MIS18BP1: variants seen among roughly 807,000 people sequenced by gnomAD.
MIS18BP1 encodes MIS18 binding protein 1.
In MIS18BP1, 72 loss-of-function variants were observed where a neutral mutation model predicts 116.1. That is an observed-to-expected ratio of 0.62 (90% CI 0.51 to 0.75). MIS18BP1 has a LOEUF of 0.75. MIS18BP1 is among the 30% of genes least tolerant of loss of function. The probability of loss-of-function intolerance (pLI) is 0.00; values close to 1 mark genes in which losing one functional copy is unlikely to be tolerated. For missense variants in MIS18BP1, 1,363 were observed against 1,303.2 expected (o/e 1.05, Z -0.71); for synonymous variants, 386 against 427.0 (o/e 0.90, Z 1.18).
At chr14:45,234,772 G>C (rs1255525594) in intron 6 of MIS18BP1, among the ~76,000 whole-genome samples, 1 of 152,178 alleles carries the variant, frequency 6.6e-6, no homozygotes, top group Admixed American at 6.5e-5. Context: ...GTTATATTCA[G>C]CTGTGTGCAA....
chr14:45,215,373 TACTCAATAGTCCAA>T (rs1890787117), intron 13 of MIS18BP1, among the ~76,000 whole-genome samples: 1 of 152,222 alleles, frequency 6.6e-6, no homozygotes, highest in Non-Finnish European at 1.5e-5. Context: ...TGAATTTTTA[TACTCAATAGTCCAA>T]TTGTCTGTTA....
chr14:45,224,582 T>C lies in MIS18BP1; in HGVS notation c.2005A>G (p.Asn669Asp). 6.2e-7 allele frequency: 1 copy of C among 1,613,794 alleles called. No homozygotes were observed. Among genetic ancestry groups the C allele is most frequent in the Middle Eastern group, 1.7e-4 (1 of 6,058 alleles). Residue 669 changes from asparagine to aspartate, a missense_variant, in exon 11 of 17, where the codon AAT becomes GAT. Physicochemically the swap from Asn to Asp is conservative, Grantham distance 23. Transcript: ENST00000310806. ...GCTTTGATGGTGCCAGCGGACAGAT[T>C]ATACCTCATGCATCTTTGCTCTATC... Reference protein sequence around the residue: ...KVIEQRCMRYNLSAGTIKAVT... With the variant: ...KVIEQRCMRYDLSAGTIKAVT...
At chr14:45,228,439 C>A (rs369138655) in intron 8 of MIS18BP1, among the ~76,000 whole-genome samples, 9 of 152,172 alleles carry the variant, frequency 5.9e-5, no homozygotes, top group African/African-American at 2.2e-4. Flanking sequence ...CCTAACTGCA[C>A]ATCAACTAAA....
At chr14:45,223,136 G>T (rs775932770) in intron 11 of MIS18BP1, among the ~76,000 whole-genome samples, 3 of 152,164 alleles carry the variant, frequency 2.0e-5, no homozygotes, top group African/African-American at 7.2e-5. Flanking sequence ...TTCCTCTACT[G>T]TTTCTGAGTG....
At position 45,224,254 on chromosome 14, in the gene MIS18BP1, G is replaced by A. The variant is rs368986243; in HGVS notation, c.2333C>T (p.Thr778Ile). Reference protein sequence around the residue: ...SPDLSSEESETEKEIKRKAEV... With the variant: ...SPDLSSEESEIEKEIKRKAEV... Reference sequence around the variant, plus strand: ...AGCTTTCCTTTTAATTTCCTTTTCTGTTTCACTTTCTTCACTTGACAAATC... The same window carrying A: ...AGCTTTCCTTTTAATTTCCTTTTCTATTTCACTTTCTTCACTTGACAAATC... Residue 778 changes from threonine to isoleucine, a missense_variant, in exon 11 of 17, where the codon ACA becomes ATA. Transcript: ENST00000310806. 5.6e-6 allele frequency: 9 copies of A among 1,613,428 alleles called. No homozygotes were observed. In the African/African-American group the frequency reaches 9.4e-5, roughly 17 times the overall value.
chr14:45,210,295 G>T, intron 14 of MIS18BP1, 85 bp downstream of exon 14: 1 of 1,334,422 alleles, frequency 7.5e-7, no homozygotes. Context: ...TCCCATTACT[G>T]GCATCTATGG....
At chr14:45,238,658 C>CA (rs1160267580) in intron 4 of MIS18BP1, among the ~76,000 whole-genome samples, 1 of 151,498 alleles carries the variant, frequency 6.6e-6, no homozygotes, top group Non-Finnish European at 1.5e-5. Flanking sequence ...AGTAAGATTC[C>CA]AAAAAAAAGT....
In MIS18BP1 at chr14:45,219,512, G is replaced by T. The variant is rs141108386; in HGVS notation, c.2670-1058C>A. Among the ~76,000 whole-genome samples the T allele has an allele frequency of 8.0e-4, 122 of 151,600 alleles. No individual in the cohort carries two copies. In the East Asian group the frequency reaches 0.02, roughly 25 times the overall value. On this transcript the variant is annotated intron_variant, in intron 11 of 16. Coordinates refer to ENST00000310806, the MANE Select transcript of MIS18BP1 (RefSeq NM_018353.5). ...CAAGAGCATATATATATAATAAAAT[G>T]GAAAATAATTAGGAAGTAATGAGTT...
At chr14:45,228,379 A>G (rs1374667617) in intron 8 of MIS18BP1, among the ~76,000 whole-genome samples, 1 of 152,242 alleles carries the variant, frequency 6.6e-6, no homozygotes, top group African/African-American at 2.4e-5. Context: ...TCACATCTAA[A>G]GACAGAATAG....
intron 10 of MIS18BP1, 118 bp from the exon 11 acceptor site, chr14:45,224,864 T>C: frequency 1.3e-6 from 1 of 741,126 alleles, no homozygotes; most frequent in Non-Finnish European, 2.1e-6. Flanking sequence ...CGAGCTACAC[T>C]GTATACCCAC....
chr14:45,233,872 G>T (rs1891352965), intron 6 of MIS18BP1, among the ~76,000 whole-genome samples: 1 of 152,076 alleles, frequency 6.6e-6, no homozygotes, highest in Non-Finnish European at 1.5e-5. Context: ...AATGAATTGG[G>T]TACTAAGGGG....
At chr14:45,251,484 A>C (rs1432757335) in intron 1 of MIS18BP1, among the ~76,000 whole-genome samples, 2 of 152,210 alleles carry the variant, frequency 1.3e-5, no homozygotes, top group African/African-American at 4.8e-5. Flanking sequence ...AAAAACATGG[A>C]AAGTTCTTGT....
chr14:45,227,901 G>C, intron 8 of MIS18BP1, 87 bp from the exon 9 acceptor site: 1 of 1,366,342 alleles, frequency 7.3e-7, no homozygotes, highest in East Asian at 2.3e-5. Context: ...TTGACGCTAG[G>C]TGTGGTGGCT....
chr14:45,224,603 C>G lies in MIS18BP1; in HGVS notation c.1984G>C (p.Glu662Gln). ...AGATTATACCTCATGCATCTTTGCTCTATCACTTTTCTAGATTTAAGTGGT... is the reference window on the plus strand; with the variant it reads ...AGATTATACCTCATGCATCTTTGCTGTATCACTTTTCTAGATTTAAGTGGT... ...VTPLKSRKVI[E>Q]QRCMRYNLSA... The change falls in exon 11 of 17, where the codon GAG (glutamate) becomes CAG (glutamine). Residue 662 changes from glutamate to glutamine, a missense_variant. By Grantham distance (29) the Glu-to-Gln change is conservative. Coordinates refer to ENST00000310806, the MANE Select transcript of MIS18BP1 (RefSeq NM_018353.5). 6.2e-7 allele frequency: 1 copy of G among 1,613,752 alleles called. No homozygotes were observed. The highest frequency in any genetic ancestry group is 1.3e-5 in the African/African-American group (1 of 75,004).
At chr14:45,211,414 CAAGATA>C (rs1890669741) in intron 13 of MIS18BP1, among the ~76,000 whole-genome samples, 1 of 152,128 alleles carries the variant, frequency 6.6e-6, no homozygotes, top group African/African-American at 2.4e-5. Flanking sequence ...AATAATATTT[CAAGATA>C]AGCTGTTGGA....
intron 1 of MIS18BP1, among the ~76,000 whole-genome samples, chr14:45,248,946 C>T (rs1329446863): frequency 6.6e-6 from 1 of 152,144 alleles, no homozygotes; most frequent in East Asian, 1.9e-4. Context: ...GTCTCTGTCA[C>T]CCAGGCTGGA....
chr14:45,210,530 T>C lies in MIS18BP1; in HGVS notation c.3004-2A>G. ...TTCACTGTCCTGGAAACTTGGCAAC[T>C]AGAAAACAAGTATTTATTATCAGCA... is the stretch of plus-strand genomic sequence containing the variant. On this transcript the variant is annotated splice_acceptor_variant, in intron 13 of 16. Transcript: ENST00000310806. LOFTEE classifies it high-confidence loss of function. 6.2e-7 allele frequency: 1 copy of C among 1,613,668 alleles called. No individual in the cohort carries two copies. The highest frequency in any genetic ancestry group is 8.5e-7 in the Non-Finnish European group (1 of 1,179,832).
chr14:45,229,741 TGAGATATA>T (rs1891224274), intron 8 of MIS18BP1, among the ~76,000 whole-genome samples: 1 of 152,140 alleles, frequency 6.6e-6, no homozygotes, highest in Admixed American at 6.6e-5. Context: ...TGATTAAAAG[TGAGATATA>T]CTGTCAAGGA....
intron 7 of MIS18BP1, 147 bp downstream of exon 7, chr14:45,232,586 G>T (rs1377831159): frequency 1.6e-6 from 1 of 614,404 alleles, no homozygotes; most frequent in East Asian, 3.1e-5. Context: ...CTTGTAGCCA[G>T]GAGTTCGAGA....
Sources: gnomAD v4.1 joint callset for allele counts (sites outside exome capture counted in the v4.1 genomes callset) on GRCh38, gnomAD v4.1.1 for gene constraint, MANE v1.5 for transcripts, NCBI Gene and HGNC (gene_info 2026-07-23, HGNC 2026-07-21) for gene names.